Variants in SYCP2 observed in about 807,000 individuals in gnomAD.
SYCP2 encodes the protein synaptonemal complex protein 2, also known as synaptonemal complex lateral element protein.
A neutral mutation model predicts 211.3 loss-of-function variants in SYCP2; 55 were observed. That is an observed-to-expected ratio of 0.26 (90% confidence interval 0.21 to 0.33). SYCP2 has a LOEUF of 0.33. Ranked by LOEUF, SYCP2 falls within the 10% of genes least tolerant of loss-of-function variation. The pLI is 1.00. For missense variants in SYCP2, 1,731 were observed against 1,752.0 expected (o/e 0.99, Z 0.21); for synonymous variants, 570 against 555.2 (o/e 1.03, Z -0.37).
Position 59,893,582 on chromosome 20 carries a change from A to T in SYCP2, c.1677T>A (p.Thr559=), listed in dbSNP as rs895239051. Residue 559 remains threonine, a synonymous_variant, in exon 21 of 45, where the codon ACT becomes ACA. Transcript: ENST00000357552. The stretch of plus-strand genomic sequence containing the variant: ...TTTCTGTGTTTTCTACACACTTAGC[A>T]GTTTTGATATGCTGTAAACACAGGA... The part of the protein sequence containing the change: ...RRDNIDKHIK[T]AKCVENTENK... 1.9e-6 allele frequency: 3 copies of T among 1,608,440 alleles called. No individual in the cohort carries two copies. The highest frequency in any genetic ancestry group is 2.5e-6 in the Non-Finnish European group (3 of 1,176,692).
intron 44 of SYCP2, among the ~76,000 whole-genome samples, chr20:59,864,666 A>G (rs547878198): frequency 1.3e-5 from 2 of 152,016 alleles, no homozygotes; most frequent in East Asian, 3.9e-4. Context: ...AGTAAAATTA[A>G]AAGTCTAGAA....
chr20:59,865,391 G>A lies in SYCP2; in HGVS notation c.4512C>T (p.Asp1504=), dbSNP rs761565491. 1 of 1,606,380 alleles carries A rather than the reference G, an allele frequency of 6.2e-7. No individual in the cohort carries two copies. Among genetic ancestry groups the A allele is most frequent in the South Asian group, 1.1e-5 (1 of 89,638 alleles). Residue 1504 remains aspartate, a synonymous_variant, in exon 44 of 45, where the codon GAC becomes GAT. Coordinates refer to ENST00000357552, the MANE Select transcript of SYCP2 (RefSeq NM_014258.4). ...TTTTCAAACTTAGTTGACTTACCAT[G>A]TCCTTAAGAAGCCTGTCTTGCAGCA... The part of the protein sequence containing the change: ...MKVLQDRLLK[D]MLEEELLNVR...
At chr20:59,911,528 A>G (rs2060326651) in intron 14 of SYCP2, among the ~76,000 whole-genome samples, 1 of 152,338 alleles carries the variant, frequency 6.6e-6, no homozygotes, top group South Asian at 2.1e-4. Context: ...AAAAATGAGC[A>G]TTAAAACTCA....
chr20:59,886,851 GT>G lies in SYCP2; in HGVS notation c.2365-18del. 1 of 1,553,218 alleles carries G rather than the reference GT, an allele frequency of 6.4e-7. No homozygotes were observed. The highest frequency in any genetic ancestry group is 2.3e-5 in the East Asian group (1 of 42,918). On this transcript the variant is annotated intron_variant, in intron 24 of 44. Coordinates refer to ENST00000357552, the MANE Select transcript of SYCP2 (RefSeq NM_014258.4). Reference sequence around the variant, plus strand: ...CTTTTCTCTCTGAAAAAAATTGTAAGTTACTTTTAAACTCTACCAGTTAATC... The same window carrying G: ...CTTTTCTCTCTGAAAAAAATTGTAAGTACTTTTAAACTCTACCAGTTAATC...
At chr20:59,901,093 T>C (rs1056754672) in intron 16 of SYCP2, among the ~76,000 whole-genome samples, 9 of 152,020 alleles carry the variant, frequency 5.9e-5, no homozygotes, top group Non-Finnish European at 1.0e-4. Flanking sequence ...CTATTCAAAT[T>C]TGTCAATTGA....
At chr20:59,929,970 T>C (rs1226669702) in intron 2 of SYCP2, among the ~76,000 whole-genome samples, 1 of 152,152 alleles carries the variant, frequency 6.6e-6, no homozygotes, top group Non-Finnish European at 1.5e-5. Flanking sequence ...ATATATACCC[T>C]TTCAATCACC....
chr20:59,865,343 G>C, intron 44 of SYCP2, 45 bp downstream of exon 44: 1 of 1,459,996 alleles, frequency 6.8e-7, no homozygotes, highest in Middle Eastern at 1.8e-4. Context: ...AAAAACAAAA[G>C]ACATTAAAGT....
chr20:59,873,497 A>T (rs1487906563), intron 35 of SYCP2, among the ~76,000 whole-genome samples: 3 of 152,144 alleles, frequency 2.0e-5, no homozygotes, highest in Non-Finnish European at 4.4e-5. Flanking sequence ...TCAGAATTAC[A>T]CACAATGTAA....
intron 39 of SYCP2, among the ~76,000 whole-genome samples, chr20:59,867,105 C>G (rs892614596): frequency 0.014 from 48 of 3,452 alleles, no homozygotes; most frequent in Non-Finnish European, 0.021. Context: ...AGACTGGGGG[C>G]GGGGGGGGGG....
intron 33 of SYCP2, among the ~76,000 whole-genome samples, chr20:59,876,739 C>G (rs774064650): frequency 1.4e-4 from 21 of 151,966 alleles, no homozygotes; most frequent in Non-Finnish European, 2.9e-4. Context: ...TAGCAGTTGA[C>G]ACATTGTAAG....
rs1296518214 is a variant in SYCP2 at position 59,900,184 on chromosome 20, T to C, written c.1358A>G (p.Tyr453Cys). 6 of 1,613,424 alleles carry C rather than the reference T, an allele frequency of 3.7e-6. No individual in the cohort carries two copies. Among genetic ancestry groups the C allele is most frequent in the Admixed American group, 1.7e-5 (1 of 59,986 alleles). Residue 453 changes from tyrosine (Y) to cysteine (C), a missense_variant, in exon 18 of 45, where the codon TAT (tyrosine) becomes TGT (cysteine). By Grantham distance (194) the Tyr-to-Cys change is radical. Transcript: ENST00000357552. ...SPKEFAKPSKYIKNSDKGNRN... is the reference protein window; with the variant it reads ...SPKEFAKPSKCIKNSDKGNRN... The stretch of plus-strand genomic sequence containing the variant: ...ATTCCCTTTGTCACTGTTTTTGATA[T>C]ATTTTGAAGGTTTAGCAAATTCCTT...
At chr20:59,875,186 T>TA (rs2059531664) in intron 34 of SYCP2, 85 bp downstream of exon 34, 3 of 836,478 alleles carry the variant, frequency 3.6e-6, no homozygotes, top group Non-Finnish European at 5.4e-6. Flanking sequence ...CCCTCAAAAT[T>TA]AGTCTTAAAA....
At position 59,865,818 on chromosome 20, in the gene SYCP2, G is replaced by A. The variant is rs151218291; in HGVS notation, c.4368C>T (p.Ser1456=). ...IFQKFSAYQK[S]EQQRLHLLKT... ...AATGTCATACTAACCTCTGTTGTTCGCTTTTTTGATATGCACTGAACTTCT... is the reference window on the plus strand; with the variant it reads ...AATGTCATACTAACCTCTGTTGTTCACTTTTTTGATATGCACTGAACTTCT... The change falls in exon 42 of 45, where the codon AGC becomes AGT. Residue 1456 remains serine, a synonymous_variant. Transcript: ENST00000357552. The A allele has an allele frequency of 5.0e-3, 7,120 of 1,431,402 alleles. 25 individuals are homozygous for A. Among genetic ancestry groups the A allele is most frequent in the Non-Finnish European group, 6.2e-3 (6,627 of 1,072,548 alleles). 88.7% of individuals were successfully genotyped at this position (1,431,402 alleles called of 1,614,324 possible).
At position 59,897,335 on chromosome 20, in the gene SYCP2, A is replaced by T. The variant is rs140200252; in HGVS notation, c.1405-807T>A. ...AAATTCTAAGATTAACTAGAAAACA[A>T]GCTTCTGAGCCAACAGATTTTTCTT... is the stretch of plus-strand genomic sequence containing the variant. On this transcript the variant is annotated intron_variant, in intron 18 of 44. Transcript: ENST00000357552. Among the ~76,000 whole-genome samples the T allele has an allele frequency of 3.6e-3, 544 of 152,316 alleles. 2 individuals carry two copies. The highest frequency in any genetic ancestry group is 0.011 in the African/African-American group (468 of 41,572).
intron 2 of SYCP2, among the ~76,000 whole-genome samples, chr20:59,930,706 ATGTAT>A (rs1358241939): frequency 1.1e-4 from 16 of 151,988 alleles, no homozygotes; most frequent in African/African-American, 3.9e-4. Flanking sequence ...TAGTGAATAA[ATGTAT>A]TGTTATAATA....
At chr20:59,871,344 G>GTTTT in intron 35 of SYCP2, among the ~76,000 whole-genome samples, 1 of 151,564 alleles carries the variant, frequency 6.6e-6, no homozygotes, top group East Asian at 1.9e-4. Context: ...AAACTGTAGA[G>GTTTT]AAATGAGCAC....
intron 1 of SYCP2, among the ~76,000 whole-genome samples, chr20:59,932,653 G>A (rs1241593377): frequency 6.6e-6 from 1 of 152,098 alleles, no homozygotes; most frequent in East Asian, 1.9e-4. Context: ...CAGCCTGGGT[G>A]ACAGAGCGAG....
chr20:59,915,699 T>C (rs2060426537), intron 8 of SYCP2, 149 bp from the exon 9 acceptor site: 2 of 569,712 alleles, frequency 3.5e-6, no homozygotes, highest in Non-Finnish European at 6.2e-6. Flanking sequence ...GGAAAGAATA[T>C]ATAAAGTATA....
At position 59,933,289 on chromosome 20, in the gene SYCP2, G is replaced by T. The variant is rs572054418; in HGVS notation, c.-140+280C>A. 10 of 151,908 alleles carry T rather than the reference G, an allele frequency of 6.6e-5. No homozygotes were observed. The East Asian group carries it at 2.0e-3, about 30-fold the overall frequency. The allele number at this position is 151,908 out of a possible 1,614,324, so 9.4% of individuals were successfully genotyped here. On this transcript the variant is annotated intron_variant, in intron 1 of 44. Coordinates refer to ENST00000357552, the MANE Select transcript of SYCP2 (RefSeq NM_014258.4). ...CGAGCGCCCATTTCCCATCCCCGAGGCCGAGGCTGGCCAGGCAGGTGCTGA... is the reference window on the plus strand; with the variant it reads ...CGAGCGCCCATTTCCCATCCCCGAGTCCGAGGCTGGCCAGGCAGGTGCTGA...
Sources: allele counts gnomAD v4.1 joint callset (sites outside exome capture counted in the v4.1 genomes callset), GRCh38; gene constraint gnomAD v4.1.1; transcripts MANE v1.5; gene names NCBI Gene and HGNC (gene_info 2026-07-23, HGNC 2026-07-21).